Variants in MAST4 observed in about 807,000 individuals in gnomAD.
MAST4 encodes microtubule-associated serine/threonine-protein kinase 4.
A neutral mutation model predicts 162.7 loss-of-function variants in MAST4; 89 were observed. The observed-to-expected ratio is 0.55, with a 90% CI of 0.46 to 0.65. The LOEUF is 0.65. MAST4 is among the 30% of genes least tolerant of loss of function. The pLI is 0.00. For missense variants in MAST4, 3,153 were observed against 3,374.0 expected (o/e 0.93, Z 1.62); for synonymous variants, 1,479 against 1,361.1 (o/e 1.09, Z -1.91).
chr5:66,780,229 C>A (rs1374310296), intron 2 of MAST4, among the ~76,000 whole-genome samples: 2 of 152,022 alleles, frequency 1.3e-5, no homozygotes, highest in East Asian at 1.9e-4. Context: ...ATTCCCCACT[C>A]CCCCCAGCCC....
chr5:66,609,927 A>G (rs1017390891), intron 1 of MAST4, among the ~76,000 whole-genome samples: 4 of 152,034 alleles, frequency 2.6e-5, no homozygotes, highest in Non-Finnish European at 2.9e-5. Flanking sequence ...GTGCCACTAC[A>G]AAGTACCACA....
At chr5:66,812,725 A>G (rs993067737) in intron 3 of MAST4, among the ~76,000 whole-genome samples, 6 of 152,274 alleles carry the variant, frequency 3.9e-5, no homozygotes, top group African/African-American at 7.2e-5. Flanking sequence ...GCTCTTCTGC[A>G]TTGCCCTTGG....
chr5:67,057,713 A>G (rs750323634), intron 5 of MAST4, among the ~76,000 whole-genome samples: 1 of 151,828 alleles, frequency 6.6e-6, no homozygotes, highest in South Asian at 2.1e-4. Flanking sequence ...GGAAAAGACT[A>G]GTGTACCTCT....
Position 67,062,084 on chromosome 5 carries a change from T to C in MAST4, c.763+7592T>C, listed in dbSNP as rs573663158. Among the ~76,000 whole-genome samples, 323 of 152,272 alleles carry C rather than the reference T, an allele frequency of 2.1e-3. 1 individual carries two copies. The highest frequency in any genetic ancestry group is 2.4e-3 in the Non-Finnish European group (160 of 68,016). On this transcript the variant is annotated intron_variant, in intron 5 of 28. Coordinates refer to ENST00000403625, the MANE Select transcript of MAST4 (RefSeq NM_001164664.2). ...TCATTAGAGATGAATGATCTTTAGGTGCCAGTGAAAGAATTCTCTTTATAA... is the reference window on the plus strand; with the variant it reads ...TCATTAGAGATGAATGATCTTTAGGCGCCAGTGAAAGAATTCTCTTTATAA...
chr5:66,674,059 G>T (rs1342115883), intron 1 of MAST4, among the ~76,000 whole-genome samples: 1 of 152,190 alleles, frequency 6.6e-6, no homozygotes, highest in Non-Finnish European at 1.5e-5. Context: ...AGAGAACTTA[G>T]ATACATAATG....
intron 4 of MAST4, among the ~76,000 whole-genome samples, chr5:66,984,673 A>T (rs1351955081): frequency 6.7e-6 from 1 of 149,868 alleles, no homozygotes; most frequent in Non-Finnish European, 1.5e-5. Flanking sequence ...AGGGGTAAAT[A>T]GTGAAATTGG....
intron 5 of MAST4, among the ~76,000 whole-genome samples, chr5:67,074,349 A>G (rs2150685164): frequency 6.6e-6 from 1 of 152,320 alleles, no homozygotes; most frequent in Admixed American, 6.5e-5. Context: ...ACATTAATGT[A>G]AATTTACAAT....
At chr5:66,754,339 T>G (rs567698042) in intron 1 of MAST4, among the ~76,000 whole-genome samples, 2 of 152,302 alleles carry the variant, frequency 1.3e-5, no homozygotes, top group Middle Eastern at 3.4e-3. Context: ...GTTCAAAAAT[T>G]AGCATATTAG....
intron 5 of MAST4, among the ~76,000 whole-genome samples, chr5:67,067,447 T>C (rs574167528): frequency 2.6e-5 from 4 of 152,330 alleles, no homozygotes; most frequent in Non-Finnish European, 4.4e-5. Context: ...TTTAAGAAAC[T>C]ACCAGAGGAT....
At chr5:67,116,280 ACTGCAACCTCCGTCTC>A (rs1396322128) in intron 12 of MAST4, among the ~76,000 whole-genome samples, 1 of 151,970 alleles carries the variant, frequency 6.6e-6, no homozygotes, top group Non-Finnish European at 1.5e-5. Context: ...ATCTCGGCTC[ACTGCAACCTCCGTCTC>A]CTCAGTTCAA....
intron 5 of MAST4, among the ~76,000 whole-genome samples, chr5:67,087,709 C>T (rs1581510572): frequency 6.6e-6 from 1 of 152,280 alleles, no homozygotes; most frequent in South Asian, 2.1e-4. Flanking sequence ...CAGTTAAGAG[C>T]CTTAATGATA....
chr5:66,856,639 A>G (rs1484861919), intron 3 of MAST4, among the ~76,000 whole-genome samples: 1 of 152,192 alleles, frequency 6.6e-6, no homozygotes, highest in Non-Finnish European at 1.5e-5. Flanking sequence ...GAAGACACAT[A>G]CTGACTGATT....
chr5:66,646,970 C>T (rs1561235569), intron 1 of MAST4, among the ~76,000 whole-genome samples: 1 of 152,154 alleles, frequency 6.6e-6, no homozygotes. Flanking sequence ...AGCTGTTTGT[C>T]TAAGTCATTC....
intron 5 of MAST4, among the ~76,000 whole-genome samples, chr5:67,065,525 G>T (rs1341892872): frequency 6.6e-6 from 1 of 152,294 alleles, no homozygotes; most frequent in East Asian, 1.9e-4. Context: ...GGCTCCGTTA[G>T]TGTGAGGATC....
chr5:67,154,843 T>A (rs543253881), intron 26 of MAST4, among the ~76,000 whole-genome samples: 31 of 152,236 alleles, frequency 2.0e-4, no homozygotes, highest in Admixed American at 5.2e-4. Context: ...GTGAACTGTG[T>A]AATCATGCAG....
chr5:66,790,948 G>C lies in MAST4; in HGVS notation c.642+2154G>C, dbSNP rs564599404. Among the ~76,000 whole-genome samples, 56 of 152,266 alleles carry C rather than the reference G, an allele frequency of 3.7e-4. 1 individual carries two copies. The South Asian group carries it at 4.4e-3, about 12-fold the overall frequency. Reference sequence around the variant, plus strand: ...TTACACCTAAATAGTAATCCTGTATGTTTATCGCCAAGTCAATCATTGTAA... The same window carrying C: ...TTACACCTAAATAGTAATCCTGTATCTTTATCGCCAAGTCAATCATTGTAA... On this transcript the variant is annotated intron_variant, in intron 3 of 28. Coordinates refer to ENST00000403625, the MANE Select transcript of MAST4 (RefSeq NM_001164664.2).
Position 67,103,868 on chromosome 5 carries a change from G to A in MAST4, c.1147-498G>A, listed in dbSNP as rs140540162. ...AGAGCCCAAGATCTTAAATGAAAGC[G>A]TAACAATTCACAGATACAATCTGAG... On this transcript the variant is annotated intron_variant, in intron 9 of 28. Coordinates refer to ENST00000403625, the MANE Select transcript of MAST4 (RefSeq NM_001164664.2). Among the ~76,000 whole-genome samples the A allele has an allele frequency of 6.7e-3, 1,017 of 152,256 alleles. 9 individuals carry two copies. Among genetic ancestry groups the A allele is most frequent in the Non-Finnish European group, 0.011 (746 of 68,018 alleles).
Position 67,165,332 on chromosome 5 carries a change from G to C in MAST4, c.6153G>C (p.Ala2051=). ...KTNHKDGPGE[A]RPPPRDNSSL... ...ACCACAAAGATGGCCCAGGTGAGGC[G>C]AGGCCCCCGCCCAGAGACAACTCCT... Residue 2051 remains alanine (A), a synonymous_variant, in exon 29 of 29, where the codon GCG becomes GCC. Coordinates refer to ENST00000403625, the MANE Select transcript of MAST4 (RefSeq NM_001164664.2). The C allele has an allele frequency of 6.2e-7, 1 of 1,613,624 alleles. No individual in the cohort carries two copies. Among genetic ancestry groups the C allele is most frequent in the East Asian group, 2.2e-5 (1 of 44,866 alleles).
At chr5:66,938,925 C>T (rs1743054501) in intron 4 of MAST4, among the ~76,000 whole-genome samples, 1 of 152,064 alleles carries the variant, frequency 6.6e-6, no homozygotes, top group African/African-American at 2.4e-5. Flanking sequence ...TTGGGGAACA[C>T]TGATTTAGAG....
Sources: gnomAD v4.1 joint callset for allele counts (sites outside exome capture counted in the v4.1 genomes callset) on GRCh38, gnomAD v4.1.1 for gene constraint, MANE v1.5 for transcripts, NCBI Gene and HGNC (gene_info 2026-07-23, HGNC 2026-07-21) for gene names.